The following ARHGAP15 variants were observed in gnomAD, a reference collection of about 807,000 sequenced individuals.
ARHGAP15 encodes rho GTPase-activating protein 15.
A neutral mutation model predicts 63.7 loss-of-function variants in ARHGAP15; 51 were observed. That is an observed-to-expected ratio of 0.80 (90% CI 0.64 to 1.01). The LOEUF is 1.01. ARHGAP15 is among the 50% of genes least tolerant of loss of function. The pLI is 0.00. For missense variants in ARHGAP15, 560 were observed against 564.6 expected (o/e 0.99, Z 0.08); for synonymous variants, 191 against 193.8 (o/e 0.99, Z 0.12).
intron 6 of ARHGAP15, among the ~76,000 whole-genome samples, chr2:143,425,718 A>G (rs1689113745): frequency 6.6e-6 from 1 of 150,796 alleles, no homozygotes; most frequent in African/African-American, 2.4e-5. Flanking sequence ...AAAAAGAAGC[A>G]TTACTACTCA....
intron 1 of ARHGAP15, among the ~76,000 whole-genome samples, chr2:143,141,818 T>C (rs1689378598): frequency 6.6e-6 from 1 of 152,062 alleles, no homozygotes; most frequent in Non-Finnish European, 1.5e-5. Context: ...GGCAGCACAA[T>C]CACCATTCAA....
intron 6 of ARHGAP15, among the ~76,000 whole-genome samples, chr2:143,392,371 T>C (rs1486778039): frequency 6.6e-6 from 1 of 152,212 alleles, no homozygotes; most frequent in Non-Finnish European, 1.5e-5. Context: ...CAGAAATATA[T>C]TATTTGTAAA....
intron 11 of ARHGAP15, among the ~76,000 whole-genome samples, chr2:143,557,395 T>G (rs1246087372): frequency 6.6e-6 from 1 of 151,920 alleles, no homozygotes; most frequent in African/African-American, 2.4e-5. Flanking sequence ...TGTGAAAAGG[T>G]ATGATTCCAA....
intron 6 of ARHGAP15, among the ~76,000 whole-genome samples, chr2:143,337,501 C>T (rs1684857864): frequency 6.6e-6 from 1 of 152,118 alleles, no homozygotes; most frequent in African/African-American, 2.4e-5. Flanking sequence ...TTCTGCATTA[C>T]ATTCAGGAAA....
At chr2:143,641,171 T>A (rs772531547) in intron 12 of ARHGAP15, 3 of 152,148 alleles carry the variant, frequency 2.0e-5, no homozygotes, top group Non-Finnish European at 2.9e-5. Flanking sequence ...TGGCACCAGA[T>A]TGGGGATTTC....
intron 6 of ARHGAP15, among the ~76,000 whole-genome samples, chr2:143,323,149 C>T (rs1460433572): frequency 2.0e-5 from 3 of 152,104 alleles, no homozygotes; most frequent in Admixed American, 1.3e-4. Flanking sequence ...TGTAGATAAG[C>T]TACGTTTATG....
At chr2:143,497,401 T>C (rs572156543) in intron 9 of ARHGAP15, among the ~76,000 whole-genome samples, 22 of 152,132 alleles carry the variant, frequency 1.4e-4, no homozygotes, top group Non-Finnish European at 2.6e-4. Context: ...TGAAACCACC[T>C]GATGAGAAGA....
intron 13 of ARHGAP15, among the ~76,000 whole-genome samples, chr2:143,759,402 T>TG (rs1288080960): frequency 2.6e-5 from 4 of 152,142 alleles, no homozygotes; most frequent in Admixed American, 1.3e-4. Context: ...TTATTCCTGT[T>TG]AGAAGTGAAA....
intron 10 of ARHGAP15, among the ~76,000 whole-genome samples, chr2:143,550,472 C>T (rs1184534597): frequency 6.6e-6 from 1 of 152,172 alleles, no homozygotes; most frequent in Admixed American, 6.6e-5. Context: ...GCCGCATTGT[C>T]TAAAATGGTC....
intron 6 of ARHGAP15, among the ~76,000 whole-genome samples, chr2:143,405,355 T>C (rs1292471238): frequency 6.6e-6 from 1 of 151,802 alleles, no homozygotes; most frequent in Non-Finnish European, 1.5e-5. Flanking sequence ...GTGTTTTTTA[T>C]TTTTTTGATT....
intron 10 of ARHGAP15, among the ~76,000 whole-genome samples, chr2:143,520,941 C>T (rs142831101): frequency 1.6e-3 from 243 of 152,202 alleles, no homozygotes; most frequent in African/African-American, 4.9e-3. Context: ...TGCAGCTTTG[C>T]GGTGTGCAGA....
In ARHGAP15 at chr2:143,473,202, C is replaced by T. The variant is rs184266558; in HGVS notation, c.704-14171C>T. 2.0e-5 allele frequency among the ~76,000 whole-genome samples: 3 copies of T among 152,328 alleles called. No individual in the cohort carries two copies. In the East Asian group the frequency reaches 5.8e-4, roughly 29 times the overall value. On this transcript the variant is annotated intron_variant, in intron 8 of 13. Coordinates refer to ENST00000295095, the MANE Select transcript of ARHGAP15 (RefSeq NM_018460.4). ...AAATTCTCAGCTGGCCATTGACTTG[C>T]AATGGAGCAATAAATTTCCATTTTC...
intron 13 of ARHGAP15, among the ~76,000 whole-genome samples, chr2:143,721,851 T>TA (rs1244258520): frequency 6.6e-6 from 1 of 152,134 alleles, no homozygotes; most frequent in African/African-American, 2.4e-5. Context: ...TGCGCCCAGC[T>TA]AATTTTTTGT....
At chr2:143,158,743 A>G (rs1185281676) in intron 2 of ARHGAP15, among the ~76,000 whole-genome samples, 2 of 151,864 alleles carry the variant, frequency 1.3e-5, no homozygotes, top group Admixed American at 1.3e-4. Flanking sequence ...CCAGAGTGAG[A>G]CCTCTTAAAG....
chr2:143,609,066 C>T (rs938734230), intron 11 of ARHGAP15, among the ~76,000 whole-genome samples: 2 of 152,198 alleles, frequency 1.3e-5, no homozygotes, highest in African/African-American at 4.8e-5. Context: ...ATAAACTACA[C>T]AATTTCAGTA....
chr2:143,623,720 G>A (rs1222684942), intron 11 of ARHGAP15, among the ~76,000 whole-genome samples: 3 of 152,218 alleles, frequency 2.0e-5, no homozygotes, highest in Admixed American at 1.3e-4. Flanking sequence ...TTTAGCATAT[G>A]TCTCCTGTTG....
chr2:143,704,373 C>G (rs1223209044), intron 13 of ARHGAP15, among the ~76,000 whole-genome samples: 4 of 152,068 alleles, frequency 2.6e-5, no homozygotes. Flanking sequence ...GTGGAGCCCT[C>G]AGAGAGAAAT....
At chr2:143,676,702 A>G (rs528358169) in intron 12 of ARHGAP15, 2 of 152,344 alleles carry the variant, frequency 1.3e-5, no homozygotes, top group Non-Finnish European at 2.9e-5. Flanking sequence ...TTACAACAGT[A>G]ACATCCAAGA....
intron 6 of ARHGAP15, among the ~76,000 whole-genome samples, chr2:143,413,927 T>TTGTGTGTGTGTGTGTGTGTGTG (rs1553476588): frequency 6.3e-5 from 8 of 127,992 alleles, no homozygotes. Context: ...AGGTAGGTAG[T>TTGTGTGTGTGTGTGTGTGTGTG]TGTGTGTGTG....
Sources: gnomAD v4.1 joint callset for allele counts (sites outside exome capture counted in the v4.1 genomes callset) on GRCh38, gnomAD v4.1.1 for gene constraint, MANE v1.5 for transcripts, NCBI Gene and HGNC (gene_info 2026-07-23, HGNC 2026-07-21) for gene names.